The following SMAP2 variants were observed in gnomAD, a reference collection of about 807,000 sequenced individuals.
The protein encoded by SMAP2 is small ArfGAP2, also known as stromal membrane-associated protein 2.
A neutral mutation model predicts 56.4 loss-of-function variants in SMAP2; 25 were observed. That is an observed-to-expected ratio of 0.44 (90% CI 0.32 to 0.62). The LOEUF is 0.62. Among genes scored for constraint, SMAP2 ranks in the 20% least tolerant of loss-of-function variants. The pLI is 0.04. For missense variants in SMAP2, 388 were observed against 545.6 expected (o/e 0.71, Z 2.88); for synonymous variants, 157 against 181.7 (o/e 0.86, Z 1.09).
At chr1:40,389,893 G>T in intron 1 of SMAP2, among the ~76,000 whole-genome samples, 1 of 151,944 alleles carries the variant, frequency 6.6e-6, no homozygotes, top group Admixed American at 6.6e-5. Context: ...TTGAAATTGT[G>T]ATGCCCCCAC....
At chr1:40,356,749 C>T (rs4660405) in intron 1 of SMAP2, among the ~76,000 whole-genome samples, 100,187 of 152,038 alleles carry the variant, frequency 0.66, 33,361 homozygotes, top group East Asian at 0.92. Context: ...AACTGTTCTC[C>T]ATAGTGGTTG....
intron 1 of SMAP2, among the ~76,000 whole-genome samples, chr1:40,376,476 TCATC>T (rs1258042459): frequency 6.6e-6 from 1 of 152,178 alleles, no homozygotes; most frequent in Non-Finnish European, 1.5e-5. Flanking sequence ...AATGGGTCAG[TCATC>T]TTTAGATTAT....
At chr1:40,366,393 A>G (rs1046925339) in intron 2 of SMAP2, among the ~76,000 whole-genome samples, 1 of 118,716 alleles carries the variant, frequency 8.4e-6, no homozygotes, top group Non-Finnish European at 1.7e-5. Flanking sequence ...TCCAAGACAC[A>G]TAATTGTCAG....
intron 7 of SMAP2, among the ~76,000 whole-genome samples, 182 bp downstream of exon 7, chr1:40,415,563 T>C (rs1415676336): frequency 1.3e-5 from 2 of 152,180 alleles, no homozygotes; most frequent in Non-Finnish European, 2.9e-5. Flanking sequence ...CATGCCTTTT[T>C]TTCTCCTGCT....
chr1:40,396,277 A>G lies in SMAP2; in HGVS notation c.104-10459A>G, dbSNP rs61779154. ...CCTCTCTAATAGTGGGTGCCGTCTA[A>G]TAGACAAACCAACTACCTTTTGAAA... On this transcript the variant is annotated intron_variant, in intron 1 of 9. Coordinates refer to ENST00000372718, the MANE Select transcript of SMAP2 (RefSeq NM_022733.3). Among the ~76,000 whole-genome samples, 1,193 of 152,308 alleles carry G rather than the reference A, an allele frequency of 7.8e-3. 7 individuals carry two copies. The highest frequency in any genetic ancestry group is 0.014 in the Non-Finnish European group (932 of 68,026).
At chr1:40,403,253 C>T (rs1644853391) in intron 1 of SMAP2, among the ~76,000 whole-genome samples, 1 of 152,172 alleles carries the variant, frequency 6.6e-6, no homozygotes, top group African/African-American at 2.4e-5. Context: ...CGCCTGTAAT[C>T]CCAGGCCTTT....
intron 8 of SMAP2, 141 bp from the exon 9 acceptor site, chr1:40,416,639 C>CT (rs1188032286): frequency 1.2e-5 from 11 of 933,866 alleles, no homozygotes; most frequent in Non-Finnish European, 1.7e-5. Flanking sequence ...CGTAGGGACT[C>CT]TAACTACTTT....
intron 8 of SMAP2, 100 bp from the exon 9 acceptor site, chr1:40,416,680 T>C: frequency 1.6e-6 from 2 of 1,215,670 alleles, no homozygotes; most frequent in Admixed American, 2.4e-5. Flanking sequence ...AGTAGAGTAA[T>C]CCTGAGAAAT....
rs549073769 is a variant in SMAP2, at chr1:40,355,086, G to A, written c.-82-7214G>A. Reference sequence around the variant, plus strand: ...ACCCTCCCAAAGTGAGGCCTGAGGTGCACCTGGCCTCATTGAAGGTTTTAC... The same window carrying A: ...ACCCTCCCAAAGTGAGGCCTGAGGTACACCTGGCCTCATTGAAGGTTTTAC... On this transcript the variant is annotated intron_variant, in intron 1 of 6. Transcript: ENST00000435168. 3.5e-4 allele frequency among the ~76,000 whole-genome samples: 53 copies of A among 152,098 alleles called. 1 individual carries two copies. The East Asian group carries it at 9.1e-3, about 26-fold the overall frequency.
chr1:40,410,953 TATC>T (rs1331612641), intron 4 of SMAP2, among the ~76,000 whole-genome samples: 2 of 151,674 alleles, frequency 1.3e-5, no homozygotes, highest in Non-Finnish European at 3.0e-5. Flanking sequence ...CCTACCTATC[TATC>T]ATCTATTCTA....
At chr1:40,400,324 T>C (rs1294986817) in intron 1 of SMAP2, among the ~76,000 whole-genome samples, 1 of 152,218 alleles carries the variant, frequency 6.6e-6, no homozygotes, top group Non-Finnish European at 1.5e-5. Context: ...TTTAATCCAA[T>C]AGTAATAGAA....
intron 1 of SMAP2, chr1:40,403,768 A>C: frequency 1.9e-6 from 1 of 539,894 alleles, no homozygotes; most frequent in Non-Finnish European, 2.4e-6. Flanking sequence ...TCAGAAGGTC[A>C]CACAGGTAAT....
At chr1:40,345,219 C>T (rs925554722) in intron 1 of SMAP2, among the ~76,000 whole-genome samples, 1 of 151,900 alleles carries the variant, frequency 6.6e-6, no homozygotes, top group Non-Finnish European at 1.5e-5. Context: ...GCCTGGGCAA[C>T]ATAGCAAGCT....
intron 1 of SMAP2, among the ~76,000 whole-genome samples, chr1:40,351,049 T>C (rs1644407317): frequency 6.6e-6 from 1 of 152,208 alleles, no homozygotes; most frequent in African/African-American, 2.4e-5. Context: ...GGACCTGTCG[T>C]AGACAAGAAG....
intron 2 of SMAP2, among the ~76,000 whole-genome samples, chr1:40,367,691 T>C (rs1644483392): frequency 2.2e-5 from 3 of 136,882 alleles, no homozygotes; most frequent in Admixed American, 1.5e-4. Flanking sequence ...ATCTCTGGGA[T>C]GCATTCAAAG....
At position 40,408,794 on chromosome 1, in the gene SMAP2, GTCAGACAAGA is replaced by G; in HGVS notation, c.323+57_323+66del. 7.1e-7 allele frequency: 1 copy of G among 1,410,158 alleles called. No homozygotes were observed. The highest frequency in any genetic ancestry group is 1.2e-5 in the South Asian group (1 of 86,708). The allele number at this position is 1,410,158 out of a possible 1,614,324, so 87.4% of individuals were successfully genotyped here. A position where few individuals can be genotyped will look rare whatever the true frequency, so the allele number is the denominator to read the frequency against. ...AGTGGTATTTTGATGCTTGGGGAGAGTCAGACAAGACTCCAGTCCTGTAATGTGACTGGGT... is the reference window on the plus strand; with the variant it reads ...AGTGGTATTTTGATGCTTGGGGAGAGCTCCAGTCCTGTAATGTGACTGGGT... On this transcript the variant is annotated intron_variant, in intron 3 of 9. Coordinates refer to ENST00000372718, the MANE Select transcript of SMAP2 (RefSeq NM_022733.3). This position sits in a 1 kb window ranked among gnomAD's most constrained non-coding sequence, Gnocchi z 4.3.
chr1:40,390,590 G>T (rs937336649), intron 1 of SMAP2, among the ~76,000 whole-genome samples: 1 of 152,120 alleles, frequency 6.6e-6, no homozygotes, highest in African/African-American at 2.4e-5. Context: ...TTCACAATCA[G>T]TCTCAGATTC....
chr1:40,414,417 G>C (rs1404736809), intron 6 of SMAP2, among the ~76,000 whole-genome samples, 177 bp downstream of exon 6: 3 of 152,202 alleles, frequency 2.0e-5, no homozygotes, highest in Admixed American at 6.5e-5. Context: ...AGTGTTTACT[G>C]TGACACTTTT....
chr1:40,416,283 C>T lies in SMAP2; in HGVS notation c.789C>T (p.Leu263=). 1.2e-6 allele frequency: 2 copies of T among 1,614,140 alleles called. No homozygotes were observed. Among genetic ancestry groups the T allele is most frequent in the Non-Finnish European group, 1.7e-6 (2 of 1,180,024 alleles). The change falls in exon 8 of 10, where the codon CTC becomes CTT. Residue 263 remains leucine, a synonymous_variant. Transcript: ENST00000372718. The part of the protein sequence containing the change: ...SKSEEIGKKQ[L]SKDSILSLYG... Reference sequence around the variant, plus strand: ...CAGAAGAAATAGGCAAGAAACAGCTCTCTAAAGACTCCATTCTTTCACTGT... The same window carrying T: ...CAGAAGAAATAGGCAAGAAACAGCTTTCTAAAGACTCCATTCTTTCACTGT...
Sources: allele counts gnomAD v4.1 joint callset (sites outside exome capture counted in the v4.1 genomes callset), GRCh38; gene constraint gnomAD v4.1.1; non-coding constraint Gnocchi (gnomAD v3.1); transcripts MANE v1.5; gene names NCBI Gene and HGNC (gene_info 2026-07-23, HGNC 2026-07-21).